Variants in PDGFD observed in about 807,000 individuals in gnomAD.
The protein encoded by PDGFD is platelet derived growth factor D, also known as platelet-derived growth factor D.
Under a neutral mutation model 44.7 loss-of-function variants are expected in PDGFD, and 30 were observed. The ratio of observed to expected loss-of-function variants is 0.67; its 90% confidence interval spans 0.50 to 0.91. PDGFD has a LOEUF of 0.91. Ranked by LOEUF, PDGFD falls within the 40% of genes least tolerant of loss-of-function variation. The pLI is 0.00. For synonymous variants in PDGFD, 173 were observed against 168.4 expected (o/e 1.03, Z -0.21); for missense variants, 445 against 457.8 (o/e 0.97, Z 0.25).
At chr11:104,000,291 T>C in intron 1 of PDGFD, 36 bp from the exon 2 acceptor site, 3 of 1,551,132 alleles carry the variant, frequency 1.9e-6, no homozygotes, top group Non-Finnish European at 2.7e-6. Flanking sequence ...ATTAGTATGT[T>C]GCTCCAATTA....
chr11:104,102,319 A>T (rs1212034758), intron 1 of PDGFD, among the ~76,000 whole-genome samples: 1 of 152,244 alleles, frequency 6.6e-6, no homozygotes, highest in Non-Finnish European at 1.5e-5. Flanking sequence ...CAAAAAACAC[A>T]TGAAAATATG....
rs1859457688 is a variant in PDGFD, at chr11:103,991,821, A to T, written c.510+4244T>A. On this transcript the variant is annotated intron_variant, in intron 3 of 6. Transcript: ENST00000393158. ...GTTATCTAATTTAATCCTCAAAACAACCTAATGTCATGCAGTATTATCACC... is the reference window on the plus strand; with the variant it reads ...GTTATCTAATTTAATCCTCAAAACATCCTAATGTCATGCAGTATTATCACC... Among the ~76,000 whole-genome samples, 3 of 152,188 alleles carry T rather than the reference A, an allele frequency of 2.0e-5. No homozygotes were observed. In the South Asian group the frequency reaches 6.2e-4, roughly 32 times the overall value.
At chr11:104,092,531 T>C (rs757285435) in intron 1 of PDGFD, among the ~76,000 whole-genome samples, 1 of 152,156 alleles carries the variant, frequency 6.6e-6, no homozygotes, top group East Asian at 1.9e-4. Flanking sequence ...GAAACGATAT[T>C]CTGACAACAG....
chr11:104,147,218 C>T lies in PDGFD; in HGVS notation c.124+16586G>A, dbSNP rs1023458797. On this transcript the variant is annotated intron_variant, in intron 1 of 6. Transcript: ENST00000393158. ...TGTTTTGAAAACTAAGTACACTGTG[C>T]TTGGTTTTTCACAGCATAAGATATC... Among the ~76,000 whole-genome samples, 28 of 152,030 alleles carry T rather than the reference C, an allele frequency of 1.8e-4. 1 individual carries two copies. Among genetic ancestry groups the T allele is most frequent in the African/African-American group, 6.5e-4 (27 of 41,394 alleles).
intron 3 of PDGFD, among the ~76,000 whole-genome samples, chr11:103,988,533 T>C (rs1165413701): frequency 6.6e-6 from 1 of 152,086 alleles, no homozygotes; most frequent in East Asian, 1.9e-4. Flanking sequence ...ATTCTCAAAG[T>C]CAGATAACAC....
At chr11:104,035,805 G>A (rs1446766471) in intron 1 of PDGFD, among the ~76,000 whole-genome samples, 1 of 152,066 alleles carries the variant, frequency 6.6e-6, no homozygotes, top group African/African-American at 2.4e-5. Flanking sequence ...TTCCTTTGGA[G>A]TGAGACCACT....
intron 3 of PDGFD, among the ~76,000 whole-genome samples, chr11:103,972,210 T>TG (rs1048828128): frequency 6.6e-6 from 1 of 152,216 alleles, no homozygotes; most frequent in Non-Finnish European, 1.5e-5. Context: ...GAGTTGGGGA[T>TG]GGGTGGCCTG....
At chr11:104,160,587 A>G (rs944043140) in intron 1 of PDGFD, among the ~76,000 whole-genome samples, 3 of 152,224 alleles carry the variant, frequency 2.0e-5, no homozygotes, top group Non-Finnish European at 4.4e-5. Context: ...GGGTATCAAA[A>G]GTAAATCAGT....
rs563742259 is a variant in PDGFD, at chr11:104,085,969, G to A, written c.124+77835C>T. 2.1e-3 allele frequency among the ~76,000 whole-genome samples: 323 copies of A among 152,256 alleles called. 1 individual carries two copies. The highest frequency in any genetic ancestry group is 7.3e-3 in the African/African-American group (303 of 41,556). On this transcript the variant is annotated intron_variant, in intron 1 of 6. Transcript: ENST00000393158. ...GATTCACTGAGTTAGGGGTTTGGAC[G>A]ATAAAGAGGTTGGATTTTAAGGGGA... is the stretch of plus-strand genomic sequence containing the variant.
At chr11:104,066,757 A>G (rs1423536983) in intron 1 of PDGFD, among the ~76,000 whole-genome samples, 1 of 152,206 alleles carries the variant, frequency 6.6e-6, no homozygotes, top group South Asian at 2.1e-4. Context: ...CCCTATTGGC[A>G]TCACTGATTG....
intron 3 of PDGFD, among the ~76,000 whole-genome samples, chr11:103,950,573 A>AAT (rs1320969199): frequency 6.6e-6 from 1 of 150,974 alleles, no homozygotes; most frequent in Non-Finnish European, 1.5e-5. Flanking sequence ...CAAAAGAAAA[A>AAT]ATAAATAAAT....
chr11:104,136,384 C>T (rs554112214), intron 1 of PDGFD, among the ~76,000 whole-genome samples: 3 of 152,150 alleles, frequency 2.0e-5, no homozygotes, highest in Non-Finnish European at 2.9e-5. Flanking sequence ...CCCAGCAATC[C>T]TCATCTCCCA....
intron 1 of PDGFD, among the ~76,000 whole-genome samples, chr11:104,064,725 C>T (rs1252674949): frequency 6.6e-6 from 1 of 152,214 alleles, no homozygotes; most frequent in African/African-American, 2.4e-5. Context: ...TTTGGTCATA[C>T]TCTACTTTCA....
chr11:103,998,072 G>T (rs1480975992), intron 2 of PDGFD, among the ~76,000 whole-genome samples: 2 of 152,182 alleles, frequency 1.3e-5, no homozygotes, highest in African/African-American at 4.8e-5. Flanking sequence ...CAGTAGTGGA[G>T]ACCTGGCTTC....
intron 1 of PDGFD, among the ~76,000 whole-genome samples, chr11:104,143,318 A>G (rs983980827): frequency 6.6e-6 from 1 of 152,184 alleles, no homozygotes; most frequent in African/African-American, 2.4e-5. Flanking sequence ...CTGCTGTCTA[A>G]TATCTATGTC....
chr11:104,102,975 G>T (rs1861415829), intron 1 of PDGFD, among the ~76,000 whole-genome samples: 1 of 152,044 alleles, frequency 6.6e-6, no homozygotes, highest in Admixed American at 6.6e-5. Flanking sequence ...TATACCTAAT[G>T]TTAAATGACG....
chr11:104,007,842 C>T (rs1591118553), intron 1 of PDGFD, among the ~76,000 whole-genome samples: 1 of 152,136 alleles, frequency 6.6e-6, no homozygotes, highest in Non-Finnish European at 1.5e-5. Flanking sequence ...ACCACAGTAA[C>T]CTAAATTTGT....
At chr11:104,154,271 G>A (rs1230525664) in intron 1 of PDGFD, among the ~76,000 whole-genome samples, 1 of 152,062 alleles carries the variant, frequency 6.6e-6, no homozygotes, top group Non-Finnish European at 1.5e-5. Context: ...CACAAAACAT[G>A]CTTTTTAAGG....
intron 1 of PDGFD, chr11:104,037,406 A>G: frequency 6.2e-7 from 1 of 1,614,120 alleles, no homozygotes; most frequent in East Asian, 2.2e-5. Flanking sequence ...TTGAGAGAGC[A>G]AGAGAGGCTT....
Sources: gnomAD v4.1 joint callset for allele counts (sites outside exome capture counted in the v4.1 genomes callset) on GRCh38, gnomAD v4.1.1 for gene constraint, MANE v1.5 for transcripts, NCBI Gene and HGNC (gene_info 2026-07-23, HGNC 2026-07-21) for gene names.